DIAPH2: variants seen among roughly 807,000 people sequenced by gnomAD.
DIAPH2 encodes diaphanous related formin 2, also known as protein diaphanous homolog 2.
In DIAPH2, 35 loss-of-function variants were observed where a neutral mutation model predicts 92.7. The observed-to-expected ratio is 0.38, with a 90% confidence interval of 0.29 to 0.50. The LOEUF (loss-of-function observed/expected upper bound fraction) is 0.50, where lower values mean the gene tolerates loss of function less well. Ranked by LOEUF, DIAPH2 falls within the 20% of genes least tolerant of loss-of-function variation. DIAPH2 has a pLI of 0.94. For synonymous variants in DIAPH2, 301 were observed against 280.4 expected (o/e 1.07, Z -0.73); for missense variants, 701 against 819.5 (o/e 0.86, Z 1.77).
At chrX:96,749,148 AT>A (rs376056089) in intron 3 of DIAPH2, among the ~76,000 whole-genome samples, 8,252 of 70,492 alleles carry the variant, frequency 0.12, 599 homozygotes, top group African/African-American at 0.22. Context: ...AAAAAAAAAT[AT>A]ATATATATAT....
At chrX:97,305,436 T>C (rs1477168103) in intron 23 of DIAPH2, among the ~76,000 whole-genome samples, 2 of 109,728 alleles carry the variant, frequency 1.8e-5, no homozygotes, top group Admixed American at 2.0e-4. Context: ...GAGATTGCAG[T>C]GAGAAAAGAT....
rs1569323396 is a variant in DIAPH2 at position 97,185,475 on chromosome X, A to ATGTG, written c.2719+43682_2719+43683insGTGT. On this transcript the variant is annotated intron_variant, in intron 22 of 26. Transcript: ENST00000324765. ...TGTGTGTATATATATATATATACAC[A>ATGTG]TATATATATATATATATATATATAT... Among the ~76,000 whole-genome samples the ATGTG allele has an allele frequency of 5.2e-3, 7 of 1,339 alleles. No homozygotes were observed. In the East Asian group the frequency reaches 0.11, roughly 20 times the overall value. 1.2% of individuals were successfully genotyped at this position (1,339 alleles called of 115,157 possible).
chrX:97,022,878 A>G, intron 17 of DIAPH2, among the ~76,000 whole-genome samples: 1 of 110,648 alleles, frequency 9.0e-6, no homozygotes, highest in Non-Finnish European at 1.9e-5. Flanking sequence ...ACATAGGGAG[A>G]CCCCATCTCT....
chrX:97,070,869 G>A (rs773497976), intron 17 of DIAPH2, among the ~76,000 whole-genome samples: 1 of 111,532 alleles, frequency 9.0e-6, no homozygotes, highest in Admixed American at 9.6e-5. Flanking sequence ...AAAGGGGAGA[G>A]GCTAGACCAT....
intron 17 of DIAPH2, among the ~76,000 whole-genome samples, chrX:96,967,087 C>T (rs2065897665): frequency 2.7e-5 from 3 of 111,708 alleles, no homozygotes; most frequent in African/African-American, 9.7e-5. Context: ...AGGATTGTTA[C>T]ATGGGTATGT....
chrX:97,406,668 G>A lies in DIAPH2; in HGVS notation c.3145+22624G>A, dbSNP rs1367934122. On this transcript the variant is annotated intron_variant, in intron 25 of 26. Coordinates refer to ENST00000324765, the MANE Select transcript of DIAPH2 (RefSeq NM_006729.5). ...TCCCCTATACTAAAAATCACCAGCT[G>A]CCGTAGAAGTGCTGAGTGAAAAATG... 3.6e-5 allele frequency among the ~76,000 whole-genome samples: 4 copies of A among 111,764 alleles called. No homozygotes were observed. In the East Asian group the frequency reaches 8.4e-4, roughly 23 times the overall value.
intron 19 of DIAPH2, among the ~76,000 whole-genome samples, chrX:97,096,183 C>T (rs1416825192): frequency 8.9e-6 from 1 of 112,255 alleles, no homozygotes; most frequent in Non-Finnish European, 1.9e-5. Flanking sequence ...AACAGTTTTT[C>T]ACTTATAGCG....
intron 26 of DIAPH2, among the ~76,000 whole-genome samples, chrX:97,590,228 C>T (rs919468333): frequency 8.9e-6 from 1 of 111,733 alleles, no homozygotes; most frequent in Non-Finnish European, 1.9e-5. Context: ...CCATTTCTGC[C>T]TCACTGCTGA....
At chrX:96,833,012 C>T (rs766758025) in intron 4 of DIAPH2, among the ~76,000 whole-genome samples, 1 of 111,334 alleles carries the variant, frequency 9.0e-6, no homozygotes, top group African/African-American at 3.3e-5. Context: ...TGTAGTGACA[C>T]CAGTGTGTGT....
chrX:97,098,090 G>A (rs2066881309), intron 19 of DIAPH2, among the ~76,000 whole-genome samples: 1 of 111,679 alleles, frequency 9.0e-6, no homozygotes, highest in Non-Finnish European at 1.9e-5. Context: ...GAGGAGGGAA[G>A]AGACAAATGG....
rs764357534 is a variant in DIAPH2 at position 96,881,608 on chromosome X, C to T, written c.477C>T (p.Cys159=). ...GGCTGAAAAACAGCAAACATGAATG[C>T]ACCCTGTCTTCACAAGAATATGTTC... The part of the protein sequence containing the change: ...SGGLKNSKHE[C]TLSSQEYVHE... Residue 159 remains cysteine, a synonymous_variant, in exon 5 of 27, where the codon TGC becomes TGT. Coordinates refer to ENST00000324765, the MANE Select transcript of DIAPH2 (RefSeq NM_006729.5). 7.5e-6 allele frequency: 9 copies of T among 1,206,638 alleles called. 1 individual carries two copies. The South Asian group carries it at 1.2e-4, about 17-fold the overall frequency.
chrX:97,055,464 G>A (rs1183859262), intron 17 of DIAPH2, among the ~76,000 whole-genome samples: 1 of 111,160 alleles, frequency 9.0e-6, no homozygotes, highest in Non-Finnish European at 1.9e-5. Context: ...GTAGGGAACA[G>A]ACACAACACT....
At chrX:97,179,576 T>A (rs1415637729) in intron 22 of DIAPH2, among the ~76,000 whole-genome samples, 1 of 111,861 alleles carries the variant, frequency 8.9e-6, no homozygotes, top group East Asian at 2.8e-4. Context: ...TTCCATGATG[T>A]ATATGTACCA....
intron 23 of DIAPH2, among the ~76,000 whole-genome samples, chrX:97,276,187 G>A (rs913139244): frequency 9.0e-6 from 1 of 111,492 alleles, no homozygotes; most frequent in Admixed American, 9.5e-5. Flanking sequence ...TGAGGCAGGA[G>A]AATCAGGCAG....
In DIAPH2 at chrX:97,044,540, T is replaced by A. The variant is rs563072335; in HGVS notation, c.2051-28401T>A. Among the ~76,000 whole-genome samples, 24 of 111,408 alleles carry A rather than the reference T, an allele frequency of 2.2e-4. No individual in the cohort carries two copies. In the South Asian group the frequency reaches 9.1e-3, roughly 42 times the overall value. ...AAATTGTCCTGTATCTTTATTGATA[T>A]TATTTCCTGTTACCATGGACAGAAA... is the stretch of plus-strand genomic sequence containing the variant. On this transcript the variant is annotated intron_variant, in intron 17 of 26. Coordinates refer to ENST00000324765, the MANE Select transcript of DIAPH2 (RefSeq NM_006729.5).
Position 97,287,343 on chromosome X carries a change from A to G in DIAPH2, c.2844+39504A>G, listed in dbSNP as rs181932452. 4.3e-3 allele frequency among the ~76,000 whole-genome samples: 475 copies of G among 111,079 alleles called. 1 individual carries two copies. Among genetic ancestry groups the G allele is most frequent in the Non-Finnish European group, 7.7e-3 (407 of 53,081 alleles). On this transcript the variant is annotated intron_variant, in intron 23 of 26. Coordinates refer to ENST00000324765, the MANE Select transcript of DIAPH2 (RefSeq NM_006729.5). Reference sequence around the variant, plus strand: ...ATTTGTTTTGGGGAAAATTCTGCATATGGAAATCTGTCTTATACACACTTT... The same window carrying G: ...ATTTGTTTTGGGGAAAATTCTGCATGTGGAAATCTGTCTTATACACACTTT...
intron 26 of DIAPH2, among the ~76,000 whole-genome samples, chrX:97,508,222 C>A (rs2070851239): frequency 9.0e-6 from 1 of 111,317 alleles, no homozygotes; most frequent in Non-Finnish European, 1.9e-5. Context: ...GTCTTTTAAT[C>A]TAGGCTGCCC....
At chrX:96,710,952 C>A (rs2063914339) in intron 1 of DIAPH2, among the ~76,000 whole-genome samples, 1 of 111,920 alleles carries the variant, frequency 8.9e-6, no homozygotes, top group South Asian at 3.7e-4. Flanking sequence ...TTTTACATTG[C>A]TGAGTTACTT....
chrX:97,438,282 C>G (rs1414426847), intron 26 of DIAPH2, among the ~76,000 whole-genome samples: 1 of 106,347 alleles, frequency 9.4e-6, no homozygotes, highest in Non-Finnish European at 1.9e-5. Flanking sequence ...CAGATTACAC[C>G]TGACCTTTTC....
Sources: allele counts gnomAD v4.1 joint callset (sites outside exome capture counted in the v4.1 genomes callset), GRCh38; gene constraint gnomAD v4.1.1; transcripts MANE v1.5; gene names NCBI Gene and HGNC (gene_info 2026-07-23, HGNC 2026-07-21).